Variants in ATP10A observed in about 807,000 individuals in gnomAD.
ATP10A encodes ATPase phospholipid transporting 10A (putative).
ATP10A carries 111 observed loss-of-function variants against 147.8 expected under a neutral mutation model. The observed-to-expected ratio is 0.75, with a 90% confidence interval of 0.64 to 0.88. The LOEUF (loss-of-function observed/expected upper bound fraction) is 0.88. Ranked by LOEUF, ATP10A falls within the 40% of genes least tolerant of loss-of-function variation. The pLI, the probability that ATP10A is intolerant of heterozygous loss-of-function variation, is 0.00. For missense variants in ATP10A, 1,927 were observed against 1,959.0 expected (o/e 0.98, Z 0.31); for synonymous variants, 875 against 841.6 (o/e 1.04, Z -0.69).
At chr15:25,732,541 T>TTCACA (rs931690472) in intron 3 of ATP10A, among the ~76,000 whole-genome samples, 1 of 145,494 alleles carries the variant, frequency 6.9e-6, no homozygotes, top group Admixed American at 7.1e-5. Flanking sequence ...CTGTGAGCAT[T>TTCACA]TCACATGCGA....
In ATP10A at chr15:25,848,791, T is replaced by C. The variant is rs1006658340; in HGVS notation, c.449+13857A>G. 4 of 153,464 alleles carry C rather than the reference T, an allele frequency of 2.6e-5. No homozygotes were observed. In the Admixed American group the frequency reaches 2.6e-4, roughly 10 times the overall value. 9.5% of individuals were successfully genotyped at this position (153,464 alleles called of 1,614,324 possible). A position where few individuals can be genotyped will look rare whatever the true frequency, so the allele number is the denominator to read the frequency against. On this transcript the variant is annotated intron_variant, in intron 1 of 20. Transcript: ENST00000555815. ...CAGTTAAGGTGGCACCATCAGCTGA[T>C]TAGCCACCTTAACTGCAGCCAACTT...
intron 3 of ATP10A, among the ~76,000 whole-genome samples, chr15:25,731,880 G>A (rs1329538612): frequency 2.6e-5 from 4 of 152,106 alleles, no homozygotes; most frequent in Admixed American, 2.6e-4. Context: ...GTTTCAGATA[G>A]GGTCTCGCTC....
At chr15:25,831,079 C>G (rs1427219143) in intron 1 of ATP10A, among the ~76,000 whole-genome samples, 1 of 152,222 alleles carries the variant, frequency 6.6e-6, no homozygotes, top group African/African-American at 2.4e-5. Flanking sequence ...CAGCCACTCA[C>G]CCCACCTTCC....
At chr15:25,675,210 C>T (rs1266525428), downstream of ATP10A, among the ~76,000 whole-genome samples, 1 of 152,148 alleles carries the variant, frequency 6.6e-6, no homozygotes, top group Non-Finnish European at 1.5e-5. Flanking sequence ...TGAGCCATGT[C>T]GTACACTTTC....
chr15:25,680,095 A>T, intron 20 of ATP10A, 26 bp downstream of exon 20: 1 of 1,608,026 alleles, frequency 6.2e-7, no homozygotes, highest in South Asian at 1.1e-5. Context: ...CGGGGCTCAG[A>T]GGCACTATCC....
intron 2 of ATP10A, among the ~76,000 whole-genome samples, chr15:25,759,999 AC>A (rs1006663408): frequency 1.0e-3 from 151 of 149,534 alleles, no homozygotes; most frequent in African/African-American, 3.6e-3. Flanking sequence ...ATGAAGTCTC[AC>A]TCCGTCGCCA....
At chr15:25,860,766 T>G (rs1188300566) in intron 1 of ATP10A, among the ~76,000 whole-genome samples, 1 of 152,158 alleles carries the variant, frequency 6.6e-6, no homozygotes, top group Non-Finnish European at 1.5e-5. Flanking sequence ...AGCTTTTAGA[T>G]CCCAACCTCA....
At chr15:25,686,065 C>T (rs1899697195) in intron 16 of ATP10A, among the ~76,000 whole-genome samples, 2 of 152,124 alleles carry the variant, frequency 1.3e-5, no homozygotes, top group South Asian at 4.1e-4. Context: ...TGGTGTGACA[C>T]AGCCTTCCTC....
At chr15:25,815,289 C>T (rs960434937) in intron 1 of ATP10A, among the ~76,000 whole-genome samples, 1 of 152,180 alleles carries the variant, frequency 6.6e-6, no homozygotes, top group Non-Finnish European at 1.5e-5. Context: ...ACGTGACTTC[C>T]AGTTTCAGAA....
At chr15:25,708,139 C>A (rs1410173433) in intron 11 of ATP10A, 37 bp from the exon 12 acceptor site, 3 of 1,613,202 alleles carry the variant, frequency 1.9e-6, no homozygotes, top group South Asian at 2.2e-5. Context: ...GCACCGGGCG[C>A]TGCTCACTGT....
intron 2 of ATP10A, among the ~76,000 whole-genome samples, chr15:25,747,232 T>C (rs1191937171): frequency 7.1e-6 from 1 of 141,022 alleles, no homozygotes; most frequent in Non-Finnish European, 1.5e-5. Flanking sequence ...GAGGTTACAG[T>C]GAGCCAAGAT....
Position 25,727,185 on chromosome 15 carries a change from T to C in ATP10A, c.822A>G (p.Ala274=). The part of the protein sequence containing the change: ...LRGCTLRNTD[A]VVGIVIYAGH... ...CTGCGTAGATGACAATGCCGACGAC[T>C]GCGTCCGTGTTCCTAAGGGTGCAGC... is the stretch of plus-strand genomic sequence containing the variant. Residue 274 remains alanine, a synonymous_variant, in exon 4 of 21, where the codon GCA becomes GCG. Coordinates refer to ENST00000555815, the MANE Select transcript of ATP10A (RefSeq NM_024490.4). The C allele has an allele frequency of 6.2e-7, 1 of 1,614,054 alleles. No individual in the cohort carries two copies. Among genetic ancestry groups the C allele is most frequent in the Non-Finnish European group, 8.5e-7 (1 of 1,179,954 alleles).
Position 25,680,303 on chromosome 15 carries a change from C to T in ATP10A, c.3684G>A (p.Trp1228Ter). The T allele has an allele frequency of 6.2e-7, 1 of 1,614,040 alleles. No homozygotes were observed. Among genetic ancestry groups the T allele is most frequent in the South Asian group, 1.1e-5 (1 of 91,074 alleles). Residue 1228 changes from tryptophan to a stop codon, truncating the protein, a stop_gained, in exon 20 of 21, where the codon TGG (tryptophan) becomes TGA (stop). Transcript: ENST00000555815. LOFTEE classifies it high-confidence loss of function. ...HLGIETKTWT[W>*]LNWITCGFSV... ...TGAAGCCACACGTTATCCAGTTGAGCCAGGTCTGAGGGGGAATGAGAAAGA... is the reference window on the plus strand; with the variant it reads ...TGAAGCCACACGTTATCCAGTTGAGTCAGGTCTGAGGGGGAATGAGAAAGA...
chr15:25,769,953 G>C (rs1260804608), intron 2 of ATP10A, among the ~76,000 whole-genome samples: 1 of 152,158 alleles, frequency 6.6e-6, no homozygotes, highest in African/African-American at 2.4e-5. Context: ...TCAGAACACA[G>C]ACATACACAG....
chr15:25,766,209 C>G lies in ATP10A; in HGVS notation c.654+14810G>C, dbSNP rs79286297. On this transcript the variant is annotated intron_variant, in intron 2 of 20. Coordinates refer to ENST00000555815, the MANE Select transcript of ATP10A (RefSeq NM_024490.4). The stretch of plus-strand genomic sequence containing the variant: ...ACAAGAAAGACCAGACTCCATGATT[C>G]AGTTACCTCCCCCTGGTTCCCACAA... Among the ~76,000 whole-genome samples the G allele has an allele frequency of 4.7e-3, 720 of 152,302 alleles. 23 individuals are homozygous for G. Among genetic ancestry groups the G allele is most frequent in the Admixed American group, 0.038 (576 of 15,306 alleles).
intron 1 of ATP10A, among the ~76,000 whole-genome samples, chr15:25,792,906 C>T (rs1019159515): frequency 6.9e-5 from 9 of 131,364 alleles, no homozygotes; most frequent in South Asian, 2.5e-4. Context: ...GTTTTGCTCT[C>T]GTTCCCCAGG....
Position 25,682,833 on chromosome 15 carries a change from C to T in ATP10A, c.3492+453G>A, listed in dbSNP as rs992846005. Among the ~76,000 whole-genome samples, 6 of 152,210 alleles carry T rather than the reference C, an allele frequency of 3.9e-5. No individual in the cohort carries two copies. The East Asian group carries it at 1.2e-3, about 29-fold the overall frequency. On this transcript the variant is annotated intron_variant, in intron 17 of 20. Coordinates refer to ENST00000555815, the MANE Select transcript of ATP10A (RefSeq NM_024490.4). The stretch of plus-strand genomic sequence containing the variant: ...AAGCACTTGCTGTCTATTTTAATGG[C>T]TGGCTAGAAACAGCTGGTCATCAGT...
chr15:25,864,059 C>T (rs2080432603), upstream of ATP10A, among the ~76,000 whole-genome samples: 1 of 151,106 alleles, frequency 6.6e-6, no homozygotes, highest in South Asian at 2.1e-4. Context: ...GACCGAAACG[C>T]TCCTTGTGCG....
At chr15:25,761,887 G>A (rs1596835256) in intron 2 of ATP10A, among the ~76,000 whole-genome samples, 1 of 152,180 alleles carries the variant, frequency 6.6e-6, no homozygotes, top group African/African-American at 2.4e-5. Flanking sequence ...TAAGACTTTG[G>A]GGGACTGTTG....
Sources: gnomAD v4.1 joint callset for allele counts (sites outside exome capture counted in the v4.1 genomes callset) on GRCh38, gnomAD v4.1.1 for gene constraint, MANE v1.5 for transcripts, NCBI Gene and HGNC (gene_info 2026-07-23, HGNC 2026-07-21) for gene names.